Variants in PTPRT observed in about 807,000 individuals in gnomAD.
PTPRT encodes the protein protein tyrosine phosphatase receptor type T.
A neutral mutation model predicts 176.8 loss-of-function variants in PTPRT; 56 were observed. That is an observed-to-expected ratio of 0.32 (90% CI 0.26 to 0.40). The LOEUF (loss-of-function observed/expected upper bound fraction) is 0.40, where lower values mean the gene tolerates loss of function less well. Ranked by LOEUF, PTPRT falls within the 10% of genes least tolerant of loss-of-function variation. The pLI is 1.00. For synonymous variants in PTPRT, 783 were observed against 739.0 expected, an observed-to-expected ratio of 1.06 and a Z score of -0.96; for missense variants, 1,540 against 1,908.2, an observed-to-expected ratio of 0.81 and a Z score of 3.60.
At chr20:42,336,188 T>A (rs1393635810) in intron 11 of PTPRT, among the ~76,000 whole-genome samples, 1 of 152,192 alleles carries the variant, frequency 6.6e-6, no homozygotes, top group African/African-American at 2.4e-5. Context: ...TTTTATGGAA[T>A]TGTAAAGTTG....
intron 17 of PTPRT, among the ~76,000 whole-genome samples, chr20:42,160,414 G>A (rs923098472): frequency 1.3e-5 from 2 of 150,726 alleles, no homozygotes; most frequent in Non-Finnish European, 3.0e-5. Flanking sequence ...CTTTTTGTTT[G>A]TAAAACGTGA....
intron 1 of PTPRT, among the ~76,000 whole-genome samples, chr20:43,184,692 A>C (rs1225332080): frequency 1.3e-5 from 2 of 151,850 alleles, no homozygotes; most frequent in Admixed American, 1.3e-4. Context: ...CTGTCTAAAA[A>C]AAAAAACAGG....
intron 14 of PTPRT, among the ~76,000 whole-genome samples, chr20:42,237,978 T>G (rs2056278249): frequency 6.6e-6 from 1 of 152,176 alleles, no homozygotes; most frequent in Non-Finnish European, 1.5e-5. Context: ...GGATACGTCT[T>G]CACAGCCCCA....
intron 2 of PTPRT, among the ~76,000 whole-genome samples, chr20:42,814,385 G>C (rs989563080): frequency 5.9e-5 from 9 of 152,102 alleles, no homozygotes; most frequent in African/African-American, 2.2e-4. Flanking sequence ...AGTAAGTTGG[G>C]ATAATAATTA....
chr20:42,620,388 CTT>C (rs1207840347), intron 7 of PTPRT, among the ~76,000 whole-genome samples: 3 of 149,640 alleles, frequency 2.0e-5, no homozygotes, highest in African/African-American at 7.6e-5. Flanking sequence ...TTACTGCTGT[CTT>C]TTTGTTTGTC....
At chr20:42,233,316 T>C (rs771532768) in intron 15 of PTPRT, among the ~76,000 whole-genome samples, 1 of 152,246 alleles carries the variant, frequency 6.6e-6, no homozygotes, top group Non-Finnish European at 1.5e-5. Context: ...CAGAGTCATA[T>C]GCATATGACT....
At chr20:42,492,121 G>A (rs1296165930) in intron 7 of PTPRT, among the ~76,000 whole-genome samples, 1 of 152,144 alleles carries the variant, frequency 6.6e-6, no homozygotes, top group Non-Finnish European at 1.5e-5. Flanking sequence ...CCAGTTTGGG[G>A]TGATTGTGAG....
At chr20:42,666,306 C>G (rs952591979) in intron 7 of PTPRT, among the ~76,000 whole-genome samples, 2 of 151,836 alleles carry the variant, frequency 1.3e-5, no homozygotes, top group Non-Finnish European at 2.9e-5. Flanking sequence ...ATTTGAATGC[C>G]TATTTATTTT....
At chr20:42,430,538 C>T (rs2059206761) in intron 9 of PTPRT, among the ~76,000 whole-genome samples, 1 of 152,136 alleles carries the variant, frequency 6.6e-6, no homozygotes, top group African/African-American at 2.4e-5. Context: ...TGCAGGTAGG[C>T]TAACAGAGGC....
chr20:42,928,790 C>A (rs999288191), intron 1 of PTPRT, among the ~76,000 whole-genome samples: 3 of 152,164 alleles, frequency 2.0e-5, no homozygotes, highest in East Asian at 3.9e-4. Flanking sequence ...TCCCTTCCTG[C>A]AACTATTTCA....
chr20:42,365,043 A>C (rs895107115), intron 9 of PTPRT, among the ~76,000 whole-genome samples: 2 of 152,238 alleles, frequency 1.3e-5, no homozygotes, highest in Non-Finnish European at 2.9e-5. Flanking sequence ...CACATGGGGA[A>C]AAAAGGCAAA....
chr20:42,102,747 C>A (rs1263460037), intron 25 of PTPRT, among the ~76,000 whole-genome samples: 1 of 152,178 alleles, frequency 6.6e-6, no homozygotes, highest in Non-Finnish European at 1.5e-5. Flanking sequence ...AGAGAGAAAG[C>A]TGTCTGAGTA....
intron 30 of PTPRT, among the ~76,000 whole-genome samples, chr20:42,081,134 C>T (rs938128969): frequency 3.3e-5 from 5 of 152,186 alleles, no homozygotes; most frequent in African/African-American, 7.2e-5. Flanking sequence ...CAAGCTTCCT[C>T]GAATGCCCAG....
In PTPRT at chr20:42,076,316, A is replaced by G; in HGVS notation, c.*4563T>C. On this transcript the variant is annotated 3_prime_UTR_variant, in exon 31 of 31. Transcript: ENST00000373187. Reference sequence around the variant, plus strand: ...GTCCTCAGACTTGCCCACATTAGCAACCATGTGACTCCACTTGGACAACAG... The same window carrying G: ...GTCCTCAGACTTGCCCACATTAGCAGCCATGTGACTCCACTTGGACAACAG... 1 of 201,582 alleles carries G rather than the reference A, an allele frequency of 5.0e-6. No individual in the cohort carries two copies. Among genetic ancestry groups the G allele is most frequent in the East Asian group, 7.6e-5 (1 of 13,110 alleles). 12.5% of individuals were successfully genotyped at this position (201,582 alleles called of 1,614,324 possible).
intron 27 of PTPRT, 121 bp from the exon 28 acceptor site, chr20:42,085,974 CA>C: frequency 8.3e-7 from 1 of 1,209,500 alleles, no homozygotes; most frequent in South Asian, 1.6e-5. Context: ...TGAGATGGAG[CA>C]TCACTCTTGT....
At chr20:42,952,021 T>C (rs951972686) in intron 1 of PTPRT, among the ~76,000 whole-genome samples, 4 of 152,202 alleles carry the variant, frequency 2.6e-5, no homozygotes, top group Non-Finnish European at 4.4e-5. Flanking sequence ...ACCCGGGCTA[T>C]GAGCTGTGAG....
chr20:42,345,575 CATAT>C (rs72419296), intron 11 of PTPRT, among the ~76,000 whole-genome samples: 102 of 109,064 alleles, frequency 9.4e-4, no homozygotes, highest in African/African-American at 2.7e-3. Flanking sequence ...TATATACATA[CATAT>C]ATATGTGTGT....
Position 42,078,377 on chromosome 20 carries a change from C to T in PTPRT, c.*2502G>A, listed in dbSNP as rs373247987. On this transcript the variant is annotated 3_prime_UTR_variant, in exon 31 of 31. Coordinates refer to ENST00000373187, the MANE Select transcript of PTPRT (RefSeq NM_007050.6). ...GAGATCTGGGTTGGTGACCCTGCTC[C>T]GTGGTAAAGCAGAGACCCTGGGTTT... 1.4e-5 allele frequency: 3 copies of T among 211,748 alleles called. No homozygotes were observed. The highest frequency in any genetic ancestry group is 5.9e-5 in the Admixed American group (1 of 16,986). The allele number at this position is 211,748 out of a possible 1,614,324, so 13.1% of individuals were successfully genotyped here. A position where few individuals can be genotyped will look rare whatever the true frequency, so the allele number is the denominator to read the frequency against.
intron 2 of PTPRT, among the ~76,000 whole-genome samples, chr20:42,879,375 C>T (rs1009660372): frequency 4.6e-5 from 7 of 152,160 alleles, no homozygotes; most frequent in Admixed American, 1.3e-4. Flanking sequence ...GCTGCATTGC[C>T]CCAATCTCCA....
Sources: allele counts gnomAD v4.1 joint callset (sites outside exome capture counted in the v4.1 genomes callset), GRCh38; gene constraint gnomAD v4.1.1; transcripts MANE v1.5; gene names NCBI Gene and HGNC (gene_info 2026-07-23, HGNC 2026-07-21).